The following TENM3 variants were observed in gnomAD, a reference collection of about 807,000 sequenced individuals.
TENM3 encodes the protein teneurin transmembrane protein 3.
A neutral mutation model predicts 255.1 loss-of-function variants in TENM3; 63 were observed. The observed-to-expected ratio is 0.25, with a 90% confidence interval of 0.20 to 0.30. The LOEUF is 0.30. TENM3 is among the 10% of genes least tolerant of loss of function. The pLI, the probability that TENM3 is intolerant of heterozygous loss-of-function variation, is 1.00. For synonymous variants in TENM3, 1,306 were observed against 1,322.3 expected, an observed-to-expected ratio of 0.99 and a Z score of 0.27; for missense variants, 2,929 against 3,461.1, an observed-to-expected ratio of 0.85 and a Z score of 3.86.
chr4:182,542,045 A>G (rs577312934), intron 3 of TENM3, among the ~76,000 whole-genome samples: 1 of 152,302 alleles, frequency 6.6e-6, no homozygotes, highest in South Asian at 2.1e-4. Context: ...CCTGGGCGAC[A>G]CAGACTCTGT....
At chr4:182,279,313 G>GAT (rs1207570234) in intron 1 of TENM3, among the ~76,000 whole-genome samples, 1 of 152,040 alleles carries the variant, frequency 6.6e-6, no homozygotes, top group Non-Finnish European at 1.5e-5. Flanking sequence ...TTAAGAAAGA[G>GAT]ATATATTGCT....
chr4:181,549,973 T>A, the TENM3 span, among the ~76,000 whole-genome samples: 1 of 152,126 alleles, frequency 6.6e-6, no homozygotes, highest in African/African-American at 2.4e-5. Flanking sequence ...ATAATGGGTA[T>A]AATGTGTCTC....
intron 3 of TENM3, among the ~76,000 whole-genome samples, chr4:182,356,714 T>C (rs140501095): frequency 0.04 from 6,104 of 151,950 alleles, 142 homozygotes; most frequent in Middle Eastern, 0.058. Flanking sequence ...TTTAAAATTA[T>C]TATTTTTTTA....
chr4:181,570,653 G>A, the TENM3 span, among the ~76,000 whole-genome samples: 2 of 127,152 alleles, frequency 1.6e-5, no homozygotes, highest in Admixed American at 1.6e-4. Flanking sequence ...AGAGAAAGAA[G>A]GAAAGCAAGC....
intron 3 of TENM3, among the ~76,000 whole-genome samples, chr4:182,561,357 G>A (rs1349339810): frequency 6.6e-6 from 1 of 151,120 alleles, no homozygotes; most frequent in African/African-American, 2.4e-5. Flanking sequence ...ATATAGAATA[G>A]CATAGGAAAA....
At chr4:182,719,872 C>G (rs1759564027) in intron 13 of TENM3, among the ~76,000 whole-genome samples, 1 of 151,940 alleles carries the variant, frequency 6.6e-6, no homozygotes, top group Non-Finnish European at 1.5e-5. Context: ...ATCAGCCTGG[C>G]CAGCGTAGCA....
chr4:181,691,386 C>CATTT, the TENM3 span, among the ~76,000 whole-genome samples: 1 of 152,016 alleles, frequency 6.6e-6, no homozygotes, highest in African/African-American at 2.4e-5. Flanking sequence ...TAAGATCGTA[C>CATTT]ATTTCATATC....
intron 3 of TENM3, among the ~76,000 whole-genome samples, chr4:182,421,394 T>G (rs1770825262): frequency 6.6e-6 from 1 of 152,164 alleles, no homozygotes; most frequent in Non-Finnish European, 1.5e-5. Flanking sequence ...ATATATATAC[T>G]CTTTCCTCTA....
the TENM3 span, among the ~76,000 whole-genome samples, chr4:182,043,052 T>C: frequency 6.6e-6 from 1 of 152,196 alleles, no homozygotes; most frequent in Non-Finnish European, 1.5e-5. Flanking sequence ...GCAACTACTA[T>C]TGTTTTATTT....
In TENM3 at chr4:182,751,831, A is replaced by G. The variant is rs771951761; in HGVS notation, c.3661A>G (p.Thr1221Ala). 5.0e-6 allele frequency: 8 copies of G among 1,613,828 alleles called. No individual in the cohort carries two copies. The African/African-American group carries it at 8.0e-5, about 16-fold the overall frequency. Residue 1221 changes from threonine to alanine, a missense_variant, in exon 20 of 28, where the codon ACG becomes GCG. Transcript: ENST00000511685. The part of the protein sequence containing the change: ...SNPAHRYYLA[T>A]DPVTGDLYVS... ...CCCAGCTCATAGATACTACCTTGCA[A>G]CGGATCCAGTCACGGGAGATCTGTA...
At chr4:182,400,534 A>C (rs17073241) in intron 3 of TENM3, among the ~76,000 whole-genome samples, 2,903 of 152,344 alleles carry the variant, frequency 0.019, 79 homozygotes, top group East Asian at 0.1. Flanking sequence ...CTAGCATATT[A>C]CATTTAACAT....
intron 4 of TENM3, 146 bp downstream of exon 4, chr4:182,601,307 G>GTTGTGA: frequency 2.9e-6 from 2 of 687,600 alleles, no homozygotes; most frequent in Non-Finnish European, 4.8e-6. Flanking sequence ...GTTCCAGATT[G>GTTGTGA]TTGTGATTTT....
the TENM3 span, among the ~76,000 whole-genome samples, chr4:181,661,451 A>T: frequency 6.6e-6 from 1 of 152,108 alleles, no homozygotes; most frequent in African/African-American, 2.4e-5. Context: ...TGCACAAAAC[A>T]CCCTGTTTCC....
chr4:182,038,049 A>G, the TENM3 span, among the ~76,000 whole-genome samples: 6 of 152,102 alleles, frequency 3.9e-5, no homozygotes, highest in South Asian at 2.1e-4. Flanking sequence ...CTCTCATTAT[A>G]CTTTTTTCTA....
intron 4 of TENM3, among the ~76,000 whole-genome samples, chr4:182,603,770 T>TAC (rs1277995909): frequency 8.2e-6 from 1 of 121,250 alleles, no homozygotes; most frequent in Non-Finnish European, 1.8e-5. Context: ...ATTATTTATA[T>TAC]ATATATATAT....
At chr4:181,844,680 T>A in the TENM3 span, among the ~76,000 whole-genome samples, 342 of 150,522 alleles carry the variant, frequency 2.3e-3, no homozygotes, top group Non-Finnish European at 3.7e-3. Flanking sequence ...AAAAATAAAA[T>A]AAAATAAAAT....
At chr4:181,713,737 A>T in the TENM3 span, among the ~76,000 whole-genome samples, 1 of 152,194 alleles carries the variant, frequency 6.6e-6, no homozygotes, top group African/African-American at 2.4e-5. Flanking sequence ...GAATTCAATT[A>T]TTCCCTAACA....
At chr4:182,027,615 T>C in the TENM3 span, among the ~76,000 whole-genome samples, 4 of 151,894 alleles carry the variant, frequency 2.6e-5, no homozygotes, top group Admixed American at 6.6e-5. Flanking sequence ...GGGTGTGTCA[T>C]ATATGGCTTT....
intron 3 of TENM3, among the ~76,000 whole-genome samples, chr4:182,564,165 G>C (rs1325727225): frequency 6.6e-6 from 1 of 152,078 alleles, no homozygotes; most frequent in Non-Finnish European, 1.5e-5. Context: ...ATTGGATAGG[G>C]ATTCACTGCT....
Sources: allele counts gnomAD v4.1 joint callset (sites outside exome capture counted in the v4.1 genomes callset), GRCh38; gene constraint gnomAD v4.1.1; transcripts MANE v1.5; gene names NCBI Gene and HGNC (gene_info 2026-07-23, HGNC 2026-07-21).